The following CCDC146 variants were observed in gnomAD, a reference collection of about 807,000 sequenced individuals.
The protein encoded by CCDC146 is coiled-coil domain-containing protein 146.
A neutral mutation model predicts 119.3 loss-of-function variants in CCDC146; 92 were observed. The ratio of observed to expected loss-of-function variants is 0.77; its 90% confidence interval spans 0.65 to 0.92. The LOEUF is 0.92. Among genes scored for constraint, CCDC146 ranks in the 40% least tolerant of loss-of-function variants. The probability of loss-of-function intolerance (pLI) is 0.00; values close to 1 mark genes in which losing one functional copy is unlikely to be tolerated. For synonymous variants in CCDC146, 372 were observed against 371.8 expected (o/e 1.00, Z -0.01); for missense variants, 1,000 against 1,103.0 (o/e 0.91, Z 1.32).
At chr7:77,187,497 G>A (rs1185713334) in intron 2 of CCDC146, among the ~76,000 whole-genome samples, 1 of 151,062 alleles carries the variant, frequency 6.6e-6, no homozygotes, top group Non-Finnish European at 1.5e-5. Flanking sequence ...TCTCACTTAG[G>A]TGAGAGTGTG....
intron 1 of CCDC146, among the ~76,000 whole-genome samples, chr7:77,132,255 A>G (rs199985566): frequency 3.5e-4 from 51 of 146,518 alleles, no homozygotes; most frequent in Non-Finnish European, 3.7e-4. Context: ...TAAAAAAATT[A>G]GACAAAAATA....
intron 10 of CCDC146, 134 bp from the exon 11 acceptor site, chr7:77,274,348 C>T (rs1196896557): frequency 8.6e-6 from 5 of 578,516 alleles, no homozygotes; most frequent in African/African-American, 3.8e-5. Context: ...GAATTACAGG[C>T]GTGAGCCACC....
At chr7:77,145,254 A>T (rs1259636376) in intron 1 of CCDC146, among the ~76,000 whole-genome samples, 1 of 151,620 alleles carries the variant, frequency 6.6e-6, no homozygotes, top group African/African-American at 2.4e-5. Context: ...CTGTGGGATC[A>T]GTGGTGATAT....
At chr7:77,254,766 G>A (rs1171993417) in intron 5 of CCDC146, among the ~76,000 whole-genome samples, 1 of 152,092 alleles carries the variant, frequency 6.6e-6, no homozygotes, top group Non-Finnish European at 1.5e-5. Flanking sequence ...TTAGCAACTT[G>A]GCATCTAATT....
chr7:77,239,765 G>A (rs977375207), intron 3 of CCDC146, among the ~76,000 whole-genome samples: 14 of 152,200 alleles, frequency 9.2e-5, no homozygotes, highest in African/African-American at 2.7e-4. Flanking sequence ...GGTTGGAGCC[G>A]ATGCTTGCTG....
At chr7:77,157,347 G>A (rs1396588743) in intron 1 of CCDC146, among the ~76,000 whole-genome samples, 1 of 140,672 alleles carries the variant, frequency 7.1e-6, no homozygotes, top group East Asian at 2.0e-4. Flanking sequence ...CAGCTTTCTT[G>A]AAGCATTGCC....
At chr7:77,291,891 A>G (rs1003485374) in intron 17 of CCDC146, among the ~76,000 whole-genome samples, 3 of 152,248 alleles carry the variant, frequency 2.0e-5, no homozygotes, top group Admixed American at 2.0e-4. Context: ...CAGATGCAGA[A>G]CTTCTGCTGA....
At position 77,292,811 on chromosome 7, in the gene CCDC146, C is replaced by G. The variant is rs1044734456; in HGVS notation, c.2416-141C>G. ...TCAATATCTGCAGTCTCTTCCAGTT[C>G]TTAATTTCTGTGAATTCCAAGTTAG... On this transcript the variant is annotated intron_variant, in intron 17 of 18. Transcript: ENST00000285871. 5.0e-6 allele frequency: 4 copies of G among 800,044 alleles called. No homozygotes were observed. In the African/African-American group the frequency reaches 6.9e-5, roughly 14 times the overall value. 49.6% of individuals were successfully genotyped at this position (800,044 alleles called of 1,614,324 possible).
At chr7:77,185,248 G>A (rs1791648400) in intron 2 of CCDC146, among the ~76,000 whole-genome samples, 1 of 152,074 alleles carries the variant, frequency 6.6e-6, no homozygotes, top group Non-Finnish European at 1.5e-5. Flanking sequence ...TCAGTATGCA[G>A]AAACAAGAAT....
intron 4 of CCDC146, among the ~76,000 whole-genome samples, chr7:77,247,571 CA>C (rs1303491988): frequency 1.3e-5 from 2 of 152,094 alleles, no homozygotes; most frequent in Non-Finnish European, 1.5e-5. Flanking sequence ...ACATGTATTA[CA>C]AAATTCATCT....
At chr7:77,133,841 A>ACACACACACACACACT (rs1554345453) in intron 1 of CCDC146, among the ~76,000 whole-genome samples, 55 of 150,500 alleles carry the variant, frequency 3.7e-4, no homozygotes, top group African/African-American at 1.3e-3. Context: ...ACACACACAC[A>ACACACACACACACACT]CACACACACA....
intron 2 of CCDC146, among the ~76,000 whole-genome samples, chr7:77,197,611 T>C (rs1791899217): frequency 6.6e-6 from 1 of 152,256 alleles, no homozygotes. Flanking sequence ...AAGGGGCTGA[T>C]AGCCTCTACT....
chr7:77,173,366 T>A (rs1191951304), intron 2 of CCDC146, among the ~76,000 whole-genome samples: 1 of 152,172 alleles, frequency 6.6e-6, no homozygotes, highest in Non-Finnish European at 1.5e-5. Context: ...CAGTGGCTCA[T>A]GCCTGTAATT....
chr7:77,147,860 G>T (rs1791046362), intron 1 of CCDC146, among the ~76,000 whole-genome samples: 1 of 152,220 alleles, frequency 6.6e-6, no homozygotes, highest in African/African-American at 2.4e-5. Flanking sequence ...GGAGGTCAGG[G>T]ACCCACTTGA....
intron 4 of CCDC146, among the ~76,000 whole-genome samples, chr7:77,245,548 G>A (rs950697512): frequency 6.6e-6 from 1 of 152,154 alleles, no homozygotes; most frequent in Admixed American, 6.5e-5. Context: ...CTGTGAACCC[G>A]GAGAGTGGGA....
intron 2 of CCDC146, among the ~76,000 whole-genome samples, chr7:77,210,666 C>T (rs1792163737): frequency 6.6e-6 from 1 of 152,174 alleles, no homozygotes; most frequent in Admixed American, 6.5e-5. Context: ...TCTCACATTG[C>T]TATGAAGAAC....
chr7:77,279,145 T>C, intron 13 of CCDC146, 44 bp downstream of exon 13: 1 of 1,584,760 alleles, frequency 6.3e-7, no homozygotes. Context: ...GCTTGTTTTC[T>C]GATTCATTTG....
At position 77,196,531 on chromosome 7, in the gene CCDC146, G is replaced by A. The variant is rs1791873443; in HGVS notation, c.156+28707G>A. On this transcript the variant is annotated intron_variant, in intron 2 of 18. Coordinates refer to ENST00000285871, the MANE Select transcript of CCDC146 (RefSeq NM_020879.3). This position sits in a 1 kb window ranked among gnomAD's most constrained non-coding sequence, Gnocchi z 4.2. ...GATCATTGTCTTTATCTGGAGTGGT[G>A]AAAAACTTCAGATCGTGGTTGTAAT... is the stretch of plus-strand genomic sequence containing the variant. The A allele has an allele frequency of 6.2e-7, 1 of 1,614,086 alleles. No homozygotes were observed. The highest frequency in any genetic ancestry group is 1.3e-5 in the African/African-American group (1 of 75,046).
At chr7:77,259,578 C>T (rs3108432) in intron 7 of CCDC146, among the ~76,000 whole-genome samples, 81,463 of 151,940 alleles carry the variant, frequency 0.54, 23,794 homozygotes, top group Non-Finnish European at 0.66. Context: ...TACAAAAATT[C>T]TGGAAAAATA....
Sources: gnomAD v4.1 joint callset for allele counts (sites outside exome capture counted in the v4.1 genomes callset) on GRCh38, gnomAD v4.1.1 for gene constraint, Gnocchi (gnomAD v3.1) non-coding constraint, MANE v1.5 for transcripts, NCBI Gene and HGNC (gene_info 2026-07-23, HGNC 2026-07-21) for gene names.